Variants in MYOM1 observed in about 807,000 individuals in gnomAD.
MYOM1 encodes the protein myomesin-1.
A neutral mutation model predicts 205.3 loss-of-function variants in MYOM1; 164 were observed. That is an observed-to-expected ratio of 0.80 (90% CI 0.70 to 0.91). The LOEUF (loss-of-function observed/expected upper bound fraction) is 0.91, where lower values mean the gene tolerates loss of function less well. MYOM1 is among the 40% of genes least tolerant of loss of function. The probability of loss-of-function intolerance (pLI) is 0.00; values close to 1 mark genes in which losing one functional copy is unlikely to be tolerated. For missense variants in MYOM1, 2,011 were observed against 2,127.3 expected (o/e 0.95, Z 1.08); for synonymous variants, 772 against 789.4 (o/e 0.98, Z 0.37).
At position 3,129,265 on chromosome 18, in the gene MYOM1, T is replaced by C. The variant is rs1002082981; in HGVS notation, c.2761A>G (p.Lys921Glu). The change falls in exon 18 of 38, where the codon AAG (lysine) becomes GAG (glutamate). Residue 921 changes from lysine (K) to glutamate (E), a missense_variant. By Grantham distance (56) the Lys-to-Glu change is moderately conservative. Transcript: ENST00000356443. ...PQKAAPQGKS[K>E]SDPLKKKTDR... Reference sequence around the variant, plus strand: ...GTCTTCTTTTTCAGGGGGTCAGACTTACTTTTCCCCTGAGGAGCCGCTTTC... The same window carrying C: ...GTCTTCTTTTTCAGGGGGTCAGACTCACTTTTCCCCTGAGGAGCCGCTTTC... 2 of 1,613,838 alleles carry C rather than the reference T, an allele frequency of 1.2e-6. No homozygotes were observed. Among genetic ancestry groups the C allele is most frequent in the Admixed American group, 1.7e-5 (1 of 59,998 alleles).
At chr18:3,178,977 C>T (rs1351268036) in intron 5 of MYOM1, among the ~76,000 whole-genome samples, 3 of 152,032 alleles carry the variant, frequency 2.0e-5, no homozygotes, top group Non-Finnish European at 4.4e-5. Context: ...GAGCAATCTT[C>T]CCACCTCAGA....
intron 19 of MYOM1, 40 bp downstream of exon 19, chr18:3,126,661 T>C (rs1464866719): frequency 7.6e-6 from 12 of 1,573,224 alleles, no homozygotes; most frequent in African/African-American, 2.7e-5. Flanking sequence ...CATAGCGTCA[T>C]ACATAGGACA....
chr18:3,210,811 G>A (rs896959818), intron 2 of MYOM1, among the ~76,000 whole-genome samples: 1 of 152,114 alleles, frequency 6.6e-6, no homozygotes, highest in Non-Finnish European at 1.5e-5. Flanking sequence ...GGTATGACGA[G>A]GGTTCAAATA....
intron 13 of MYOM1, among the ~76,000 whole-genome samples, chr18:3,145,794 A>G (rs2080114361): frequency 6.6e-6 from 1 of 152,112 alleles, no homozygotes; most frequent in African/African-American, 2.4e-5. Flanking sequence ...AGAAATAAAT[A>G]AAACTGGAAA....
At chr18:3,215,641 G>A (rs540781440) in intron 1 of MYOM1, among the ~76,000 whole-genome samples, 8 of 152,054 alleles carry the variant, frequency 5.3e-5, no homozygotes, top group South Asian at 4.2e-4. Flanking sequence ...TATCTTTTCC[G>A]AAGAGTAAAC....
At chr18:3,068,501 G>C (rs1220695286) in intron 37 of MYOM1, among the ~76,000 whole-genome samples, 1 of 151,920 alleles carries the variant, frequency 6.6e-6, no homozygotes, top group Non-Finnish European at 1.5e-5. Context: ...AGAACCCCTT[G>C]CGTTGTCCTT....
chr18:3,097,379 T>C (rs1212623768), intron 25 of MYOM1, among the ~76,000 whole-genome samples: 1 of 128,206 alleles, frequency 7.8e-6, no homozygotes, highest in Non-Finnish European at 1.7e-5. Context: ...CACCCTTGGG[T>C]TGGGGGCTCT....
At chr18:3,160,672 T>C (rs957015097) in intron 10 of MYOM1, among the ~76,000 whole-genome samples, 5 of 152,262 alleles carry the variant, frequency 3.3e-5, no homozygotes, top group Admixed American at 3.3e-4. Flanking sequence ...TTTCTAAAGA[T>C]TGTAAAATTC....
chr18:3,138,073 C>A (rs1361564881), intron 14 of MYOM1, among the ~76,000 whole-genome samples: 1 of 152,090 alleles, frequency 6.6e-6, no homozygotes, highest in Non-Finnish European at 1.5e-5. Flanking sequence ...ACTTGGAAAT[C>A]CTCGAATGAA....
At chr18:3,143,315 AT>A (rs565854120) in intron 13 of MYOM1, among the ~76,000 whole-genome samples, 1 of 151,972 alleles carries the variant, frequency 6.6e-6, no homozygotes, top group Non-Finnish European at 1.5e-5. Flanking sequence ...AAAATAGAGG[AT>A]TTTTTTTACA....
chr18:3,070,973 G>A (rs991395844), intron 37 of MYOM1, among the ~76,000 whole-genome samples: 5 of 151,938 alleles, frequency 3.3e-5, no homozygotes, highest in Non-Finnish European at 7.4e-5. Flanking sequence ...TGCCCAGGCT[G>A]GTCTCAAACT....
In MYOM1 at chr18:3,131,344, TC is replaced by T. The variant is rs747897440; in HGVS notation, c.2506+30del. 4 of 1,607,388 alleles carry T rather than the reference TC, an allele frequency of 2.5e-6. No individual in the cohort carries two copies. In the Admixed American group the frequency reaches 5.1e-5, roughly 21 times the overall value. On this transcript the variant is annotated intron_variant, in intron 17 of 37. Transcript: ENST00000356443. The stretch of plus-strand genomic sequence containing the variant: ...TTTCTAACATAGAAAAATCCATTTT[TC>T]CCCCATACAGTTATGCATAAGGAAC...
At chr18:3,145,146 T>C (rs1438652406) in intron 13 of MYOM1, among the ~76,000 whole-genome samples, 1 of 151,948 alleles carries the variant, frequency 6.6e-6, no homozygotes, top group Non-Finnish European at 1.5e-5. Context: ...CCATCTCTAC[T>C]AAAAATACAA....
chr18:3,219,099 G>T lies in MYOM1; in HGVS notation c.-29+704C>A, dbSNP rs1210461462. Among the ~76,000 whole-genome samples the T allele has an allele frequency of 6.6e-6, 1 of 152,118 alleles. No homozygotes were observed. Among genetic ancestry groups the T allele is most frequent in the Non-Finnish European group, 1.5e-5 (1 of 68,010 alleles). On this transcript the variant is annotated intron_variant, in intron 1 of 37. Coordinates refer to ENST00000356443, the MANE Select transcript of MYOM1 (RefSeq NM_003803.4). The surrounding 1 kb of genome is among the most constrained non-coding windows in gnomAD (Gnocchi z 4.4). The stretch of plus-strand genomic sequence containing the variant: ...TACGTTGGGAGGAAAGATGGTTTTA[G>T]TGTCTTTTGTTTCTTTAAGACCTAA...
At chr18:3,124,954 T>A (rs565688572) in intron 19 of MYOM1, among the ~76,000 whole-genome samples, 1 of 152,330 alleles carries the variant, frequency 6.6e-6, no homozygotes, top group African/African-American at 2.4e-5. Context: ...ACTCATAACA[T>A]GTAAAGAACT....
At chr18:3,194,101 TA>T in intron 2 of MYOM1, 143 bp from the exon 3 acceptor site, 1 of 860,152 alleles carries the variant, frequency 1.2e-6, no homozygotes, top group Non-Finnish European at 1.7e-6. Context: ...TCTTTAGAAT[TA>T]AAGTAGAGTT....
Position 3,102,550 on chromosome 18 carries a change from A to T in MYOM1, c.3499T>A (p.Ser1167Thr). The part of the protein sequence containing the change: ...NFECDKMTPK[S>T]EFSWSKDYVS... ...TAATCTTTGGACCAGGAGAACTCGG[A>T]CTTTGGAGTCATCTTATCACACTCG... Residue 1167 changes from serine to threonine, a missense_variant, in exon 23 of 38, where the codon TCC becomes ACC. Transcript: ENST00000356443. 2 of 1,613,930 alleles carry T rather than the reference A, an allele frequency of 1.2e-6. No homozygotes were observed. Among genetic ancestry groups the T allele is most frequent in the Middle Eastern group, 3.3e-4 (2 of 6,060 alleles).
intron 5 of MYOM1, among the ~76,000 whole-genome samples, chr18:3,184,249 T>A (rs997618068): frequency 6.6e-6 from 1 of 152,120 alleles, no homozygotes; most frequent in Non-Finnish European, 1.5e-5. Context: ...TATATACTAA[T>A]CCTATCCAGA....
chr18:3,161,808 C>CT (rs1035409320), intron 10 of MYOM1, among the ~76,000 whole-genome samples: 10 of 152,156 alleles, frequency 6.6e-5, no homozygotes, highest in Admixed American at 6.5e-5. Context: ...AATTACCGTA[C>CT]TTTTTTGAAC....
Sources: gnomAD v4.1 joint callset for allele counts (sites outside exome capture counted in the v4.1 genomes callset) on GRCh38, gnomAD v4.1.1 for gene constraint, Gnocchi (gnomAD v3.1) non-coding constraint, MANE v1.5 for transcripts, NCBI Gene and HGNC (gene_info 2026-07-23, HGNC 2026-07-21) for gene names.